Variants in ANTXR2 observed in about 807,000 individuals in gnomAD.
ANTXR2 encodes the protein ANTXR cell adhesion molecule 2.
A neutral mutation model predicts 73.7 loss-of-function variants in ANTXR2; 44 were observed. That is an observed-to-expected ratio of 0.60 (90% CI 0.47 to 0.77). The LOEUF (loss-of-function observed/expected upper bound fraction) is 0.77. Ranked by LOEUF, ANTXR2 falls within the 30% of genes least tolerant of loss-of-function variation. The probability of loss-of-function intolerance (pLI) is 0.00; values close to 1 mark genes in which losing one functional copy is unlikely to be tolerated. For synonymous variants in ANTXR2, 217 were observed against 205.9 expected, an observed-to-expected ratio of 1.05 and a Z score of -0.46; for missense variants, 604 against 592.5, an observed-to-expected ratio of 1.02 and a Z score of -0.20.
At chr4:80,046,938 T>C (rs1305867691) in intron 7 of ANTXR2, among the ~76,000 whole-genome samples, 1 of 151,774 alleles carries the variant, frequency 6.6e-6, no homozygotes, top group Non-Finnish European at 1.5e-5. Context: ...AATGGTACAT[T>C]TGGTGACAAA....
At chr4:79,926,955 G>GTGCATATATGTGTATACACA (rs1470173608) in intron 16 of ANTXR2, among the ~76,000 whole-genome samples, 1 of 80,852 alleles carries the variant, frequency 1.2e-5, no homozygotes, top group Non-Finnish European at 2.2e-5. Context: ...GTATATATAC[G>GTGCATATATGTGTATACACA]TGTGCATATA....
At chr4:80,050,179 T>C (rs942803665) in intron 7 of ANTXR2, among the ~76,000 whole-genome samples, 1 of 151,742 alleles carries the variant, frequency 6.6e-6, no homozygotes, top group African/African-American at 2.4e-5. Context: ...GAATGTGCGG[T>C]CCAGAAATTC....
At chr4:79,957,477 T>C (rs918977978) in intron 16 of ANTXR2, among the ~76,000 whole-genome samples, 2 of 152,090 alleles carry the variant, frequency 1.3e-5, no homozygotes, top group African/African-American at 4.8e-5. Context: ...TGATTTTAAA[T>C]TTGTAGAAAA....
intron 7 of ANTXR2, among the ~76,000 whole-genome samples, chr4:80,036,899 T>A (rs10025605): frequency 0.76 from 115,195 of 152,064 alleles, 43,879 homozygotes; most frequent in East Asian, 0.94. Flanking sequence ...TCCCTCTTAC[T>A]TGCATAAAAA....
At chr4:79,953,068 G>A (rs1728764197) in intron 16 of ANTXR2, among the ~76,000 whole-genome samples, 1 of 152,042 alleles carries the variant, frequency 6.6e-6, no homozygotes, top group Admixed American at 6.6e-5. Context: ...GGACTGAGGT[G>A]TCTACCACAG....
chr4:79,965,130 C>T (rs1057176812), intron 16 of ANTXR2: 1 of 152,198 alleles, frequency 6.6e-6, no homozygotes, highest in Admixed American at 6.5e-5. Context: ...TGGAAATTCA[C>T]CGTGACGGGA....
chr4:80,023,080 A>C (rs1376816189), intron 10 of ANTXR2, among the ~76,000 whole-genome samples: 1 of 152,254 alleles, frequency 6.6e-6, no homozygotes, highest in Non-Finnish European at 1.5e-5. Context: ...GATCCAAGCT[A>C]AGAAGAAATG....
At chr4:80,017,764 T>A (rs1377985697) in intron 11 of ANTXR2, among the ~76,000 whole-genome samples, 1 of 151,814 alleles carries the variant, frequency 6.6e-6, no homozygotes, top group Non-Finnish European at 1.5e-5. Context: ...TTCAACCACA[T>A]CCTGAGGGAC....
In ANTXR2 at chr4:79,905,113, T is replaced by C. The variant is rs1045206751; in HGVS notation, c.*2316A>G. 6.6e-6 allele frequency: 1 copy of C among 152,198 alleles called. No individual in the cohort carries two copies. Among genetic ancestry groups the C allele is most frequent in the Non-Finnish European group, 1.5e-5 (1 of 68,024 alleles). 9.4% of individuals were successfully genotyped at this position (152,198 alleles called of 1,614,324 possible). On this transcript the variant is annotated 3_prime_UTR_variant, in exon 17 of 17. Transcript: ENST00000403729. ...TCTTCATAGTAGCTGTATAACAATC[T>C]ACAGAAAGTTATTTTTCCATTTAAA... is the stretch of plus-strand genomic sequence containing the variant.
intron 3 of ANTXR2, among the ~76,000 whole-genome samples, chr4:80,057,953 G>A (rs1443490532): frequency 6.6e-6 from 1 of 152,052 alleles, no homozygotes; most frequent in Non-Finnish European, 1.5e-5. Context: ...TCATAAGCTT[G>A]TTGTATCTAA....
At chr4:79,964,428 A>C (rs1475207011) in intron 16 of ANTXR2, among the ~76,000 whole-genome samples, 2 of 152,196 alleles carry the variant, frequency 1.3e-5, no homozygotes, top group African/African-American at 2.4e-5. Flanking sequence ...TGTTTGATGG[A>C]GGCCTTTCAA....
chr4:80,040,654 T>C (rs1221531773), intron 7 of ANTXR2, among the ~76,000 whole-genome samples: 1 of 151,960 alleles, frequency 6.6e-6, no homozygotes, highest in East Asian at 1.9e-4. Context: ...ATAAATCAAG[T>C]GCTTAATAAA....
intron 12 of ANTXR2, among the ~76,000 whole-genome samples, chr4:79,999,032 G>A (rs1048846117): frequency 6.6e-6 from 1 of 152,024 alleles, no homozygotes; most frequent in Admixed American, 6.6e-5. Context: ...TTCTTGAAAA[G>A]ACTCTTTAGT....
chr4:79,995,720 T>C (rs1560959227), intron 12 of ANTXR2, among the ~76,000 whole-genome samples: 2 of 152,000 alleles, frequency 1.3e-5, no homozygotes, highest in African/African-American at 2.4e-5. Flanking sequence ...TTCTTTTCAA[T>C]AGCATGCCAT....
intron 10 of ANTXR2, among the ~76,000 whole-genome samples, chr4:80,029,002 T>A (rs891870903): frequency 6.6e-6 from 1 of 152,158 alleles, no homozygotes; most frequent in African/African-American, 2.4e-5. Flanking sequence ...GCAATTCTTT[T>A]AGACACATCT....
rs530681410 is a variant in ANTXR2 at position 79,932,426 on chromosome 4, A to G, written c.1429-24959T>C. ...ATATTAATAACATTAATTTTGGTTC[A>G]TAATCTTGCCTGTATCTATCCCATG... is the stretch of plus-strand genomic sequence containing the variant. On this transcript the variant is annotated intron_variant, in intron 16 of 16. Transcript: ENST00000403729. Among the ~76,000 whole-genome samples the G allele has an allele frequency of 5.3e-5, 8 of 152,256 alleles. No individual in the cohort carries two copies. The East Asian group carries it at 1.5e-3, about 29-fold the overall frequency.
intron 16 of ANTXR2, among the ~76,000 whole-genome samples, chr4:79,948,294 C>T (rs1329093155): frequency 6.6e-6 from 1 of 152,072 alleles, no homozygotes; most frequent in Non-Finnish European, 1.5e-5. Flanking sequence ...TAAAAAGAGA[C>T]TCAGGTTATA....
intron 16 of ANTXR2, among the ~76,000 whole-genome samples, chr4:79,935,673 G>A (rs1354277928): frequency 6.6e-6 from 1 of 152,208 alleles, no homozygotes; most frequent in Non-Finnish European, 1.5e-5. Context: ...GGGATAGTGA[G>A]AAGAAAGTCT....
At chr4:80,039,291 C>G (rs1275884045) in intron 7 of ANTXR2, among the ~76,000 whole-genome samples, 1 of 152,024 alleles carries the variant, frequency 6.6e-6, no homozygotes, top group South Asian at 2.1e-4. Context: ...TAAATTTGTT[C>G]TTTTCCATCT....
Sources: allele counts gnomAD v4.1 joint callset (sites outside exome capture counted in the v4.1 genomes callset), GRCh38; gene constraint gnomAD v4.1.1; transcripts MANE v1.5; gene names NCBI Gene and HGNC (gene_info 2026-07-23, HGNC 2026-07-21).